FAM13A: variants seen among roughly 807,000 people sequenced by gnomAD.
FAM13A encodes the protein family with sequence similarity 13 member A.
In FAM13A, 76 loss-of-function variants were observed where a neutral mutation model predicts 129.6. That is an observed-to-expected ratio of 0.59 (90% confidence interval 0.49 to 0.71). The LOEUF (loss-of-function observed/expected upper bound fraction) is 0.71. Ranked by LOEUF, FAM13A falls within the 30% of genes least tolerant of loss-of-function variation. The probability of loss-of-function intolerance (pLI) is 0.00; values close to 1 mark genes in which losing one functional copy is unlikely to be tolerated. For missense variants in FAM13A, 1,108 were observed against 1,249.3 expected (o/e 0.89, Z 1.70); for synonymous variants, 443 against 449.9 (o/e 0.98, Z 0.20).
chr4:88,983,961 G>A lies in FAM13A; in HGVS notation c.605+7012C>T, dbSNP rs915421427. On this transcript the variant is annotated intron_variant, in intron 4 of 23. Coordinates refer to ENST00000264344, the MANE Select transcript of FAM13A (RefSeq NM_014883.4). ...GTACTGACATAAGAATAGATATACA[G>A]ATCAATGGAATATAACTATGAGTTC... Among the ~76,000 whole-genome samples the A allele has an allele frequency of 2.6e-5, 4 of 152,148 alleles. No individual in the cohort carries two copies. The South Asian group carries it at 6.2e-4, about 24-fold the overall frequency.
intron 6 of FAM13A, 93 bp from the exon 7 acceptor site, chr4:88,851,276 T>A: frequency 8.4e-7 from 1 of 1,192,304 alleles, no homozygotes; most frequent in Non-Finnish European, 1.1e-6. Context: ...TTATTCCAAT[T>A]TTGCAATAAT....
chr4:89,053,136 T>C (rs141741760), intron 1 of FAM13A, among the ~76,000 whole-genome samples: 67 of 152,306 alleles, frequency 4.4e-4, no homozygotes, highest in African/African-American at 1.6e-3. Flanking sequence ...CACAAAATAC[T>C]AGAACACAAA....
chr4:88,739,095 G>A lies in FAM13A; in HGVS notation c.2497C>T (p.Pro833Ser). ...VTKNERQVMK[P>S]LYDRYRLVKQ... ...ACCAGCCGGTACCTGTCGTATAGTGGCTTCATCACCTGCCGTTCGTTCTTT... is the reference window on the plus strand; with the variant it reads ...ACCAGCCGGTACCTGTCGTATAGTGACTTCATCACCTGCCGTTCGTTCTTT... The change falls in exon 20 of 24, where the codon CCA (proline) becomes TCA (serine). Residue 833 changes from proline to serine, a missense_variant. Transcript: ENST00000264344. The A allele has an allele frequency of 1.2e-6, 2 of 1,613,766 alleles. No homozygotes were observed. Among genetic ancestry groups the A allele is most frequent in the Middle Eastern group, 1.7e-4 (1 of 6,060 alleles).
At chr4:88,835,390 T>C (rs1009872065) in intron 7 of FAM13A, among the ~76,000 whole-genome samples, 27 of 152,286 alleles carry the variant, frequency 1.8e-4, no homozygotes, top group African/African-American at 5.8e-4. Flanking sequence ...AGCAGCTCAG[T>C]TGTCACTCTA....
rs1755178471 is a variant in FAM13A at position 88,943,821 on chromosome 4, GA to G, written c.606-5581del. On this transcript the variant is annotated intron_variant, in intron 4 of 23. Coordinates refer to ENST00000264344, the MANE Select transcript of FAM13A (RefSeq NM_014883.4). Reference sequence around the variant, plus strand: ...AAATGAACTGATGAAGAAGAATTATGAATTTTTAAAGCTTTTAAAAAATTTG... The same window carrying G: ...AAATGAACTGATGAAGAAGAATTATGATTTTTAAAGCTTTTAAAAAATTTG... Among the ~76,000 whole-genome samples the G allele has an allele frequency of 1.1e-4, 17 of 152,256 alleles. No homozygotes were observed. The South Asian group carries it at 3.5e-3, about 32-fold the overall frequency.
At chr4:88,910,687 G>A (rs985994386) in intron 5 of FAM13A, among the ~76,000 whole-genome samples, 4 of 147,302 alleles carry the variant, frequency 2.7e-5, no homozygotes, top group African/African-American at 1.0e-4. Flanking sequence ...GTCTCGCTCT[G>A]TCACCAGGTT....
rs58415960 is a variant in FAM13A at position 88,830,984 on chromosome 4, C to CT, written c.1007+20035dup. Among the ~76,000 whole-genome samples, 325 of 143,494 alleles carry CT rather than the reference C, an allele frequency of 2.3e-3. 2 individuals are homozygous for CT. The highest frequency in any genetic ancestry group is 7.2e-3 in the African/African-American group (283 of 39,576). 94.1% of individuals were successfully genotyped at this position (143,494 alleles called of 152,430 possible). A position where few individuals can be genotyped will look rare whatever the true frequency, so the allele number is the denominator to read the frequency against. On this transcript the variant is annotated intron_variant, in intron 7 of 23. Transcript: ENST00000264344. ...AGTTGTATAGAAATTCATGTGGATG[C>CT]TTTTTTTTTTTTAAGTGAATTTCTT...
At chr4:88,993,386 T>C (rs1002089915) in intron 3 of FAM13A, among the ~76,000 whole-genome samples, 1 of 152,198 alleles carries the variant, frequency 6.6e-6, no homozygotes, top group Non-Finnish European at 1.5e-5. Context: ...TGTTTAAAAT[T>C]GTGGTCTGAT....
intron 17 of FAM13A, 55 bp downstream of exon 17, chr4:88,748,897 G>A (rs1378470638): frequency 1.3e-5 from 16 of 1,235,588 alleles, no homozygotes; most frequent in Non-Finnish European, 1.8e-5. Flanking sequence ...GAGGAGGTGA[G>A]AGATTCTGCA....
At chr4:88,781,134 C>T in intron 11 of FAM13A, 31 bp downstream of exon 11, 2 of 1,402,050 alleles carry the variant, frequency 1.4e-6, no homozygotes, top group Non-Finnish European at 1.9e-6. Flanking sequence ...TATTTCCTAA[C>T]AAGTAAAACT....
intron 5 of FAM13A, among the ~76,000 whole-genome samples, chr4:88,913,591 G>A (rs116709272): frequency 1.0e-3 from 153 of 152,074 alleles, no homozygotes; most frequent in African/African-American, 3.4e-3. Context: ...AGAAGAAGGC[G>A]GCAAATAATA....
At chr4:89,004,818 A>C (rs6852373) in intron 3 of FAM13A, among the ~76,000 whole-genome samples, 1 of 151,952 alleles carries the variant, frequency 6.6e-6, no homozygotes, top group East Asian at 1.9e-4. Context: ...AAAATATGGA[A>C]GCCCATGTTC....
chr4:88,895,859 T>A (rs1310001437), intron 6 of FAM13A, among the ~76,000 whole-genome samples: 2 of 139,368 alleles, frequency 1.4e-5, no homozygotes, highest in Non-Finnish European at 3.1e-5. Context: ...GAAGTCAGTG[T>A]GGCGATTCCT....
chr4:88,907,546 G>C (rs1415294594), intron 5 of FAM13A, among the ~76,000 whole-genome samples: 2 of 152,148 alleles, frequency 1.3e-5, no homozygotes, highest in African/African-American at 4.8e-5. Flanking sequence ...TATTAATAAA[G>C]ATTGAATCTT....
At chr4:88,790,536 C>CA in intron 9 of FAM13A, 50 bp downstream of exon 9, 6 of 1,391,516 alleles carry the variant, frequency 4.3e-6, no homozygotes, top group South Asian at 1.2e-5. Context: ...TGGGACAGGG[C>CA]ATTAAAAAAA....
chr4:89,049,528 A>T (rs1167091385), intron 1 of FAM13A, among the ~76,000 whole-genome samples: 2 of 152,250 alleles, frequency 1.3e-5, no homozygotes, highest in East Asian at 3.8e-4. Context: ...AAGTAAATTA[A>T]TTGCTTATTA....
intron 8 of FAM13A, among the ~76,000 whole-genome samples, chr4:88,794,729 CT>C (rs977860104): frequency 6.6e-6 from 1 of 151,678 alleles, no homozygotes; most frequent in Non-Finnish European, 1.5e-5. Flanking sequence ...TAAATTTACT[CT>C]TTTTTTAATT....
chr4:88,795,849 A>T (rs1273239091), intron 8 of FAM13A, among the ~76,000 whole-genome samples: 1 of 151,814 alleles, frequency 6.6e-6, no homozygotes, highest in Non-Finnish European at 1.5e-5. Flanking sequence ...TTAGTTTCAA[A>T]TTGCATGATG....
chr4:88,992,679 T>G (rs1026561130), intron 3 of FAM13A, among the ~76,000 whole-genome samples: 2 of 152,302 alleles, frequency 1.3e-5, no homozygotes, highest in South Asian at 2.1e-4. Flanking sequence ...ATATGAGAAG[T>G]TTCTCTCAAG....
Sources: allele counts gnomAD v4.1 joint callset (sites outside exome capture counted in the v4.1 genomes callset), GRCh38; gene constraint gnomAD v4.1.1; transcripts MANE v1.5; gene names NCBI Gene and HGNC (gene_info 2026-07-23, HGNC 2026-07-21).